LAMA3: variants seen among roughly 807,000 people sequenced by gnomAD.
LAMA3 encodes the protein laminin subunit alpha 3, also known as laminin subunit alpha-3.
LAMA3 carries 281 observed loss-of-function variants against 402.0 expected under a neutral mutation model. That is an observed-to-expected ratio of 0.70 (90% confidence interval 0.63 to 0.77). The LOEUF (loss-of-function observed/expected upper bound fraction) is 0.77, where lower values mean the gene tolerates loss of function less well. LAMA3 is among the 30% of genes least tolerant of loss of function. The pLI, the probability that LAMA3 is intolerant of heterozygous loss-of-function variation, is 0.00. For missense variants in LAMA3, 3,840 were observed against 4,215.5 expected (o/e 0.91, Z 2.47); for synonymous variants, 1,431 against 1,558.4 (o/e 0.92, Z 1.93).
intron 14 of LAMA3, among the ~76,000 whole-genome samples, chr18:23,813,550 TTTC>T (rs2063116295): frequency 6.9e-6 from 1 of 145,070 alleles, no homozygotes; most frequent in African/African-American, 2.6e-5. Flanking sequence ...TTTTCTTTTC[TTTC>T]TTTTTTTTTT....
chr18:23,887,991 G>A (rs535454890), intron 41 of LAMA3, among the ~76,000 whole-genome samples: 1 of 152,324 alleles, frequency 6.6e-6, no homozygotes, highest in Non-Finnish European at 1.5e-5. Context: ...AAGTAGAATC[G>A]AACTTCCTGA....
In LAMA3 at chr18:23,933,925, G is replaced by C; in HGVS notation, c.8852G>C (p.Arg2951Pro). ...STRFNKTKTF[R>P]INQLLQDTPV... ...AGGTTTAACAAGACCAAGACTTTTCGTATCAACCAGGTAAGTGTCCAAACC... is the reference window on the plus strand; with the variant it reads ...AGGTTTAACAAGACCAAGACTTTTCCTATCAACCAGGTAAGTGTCCAAACC... Residue 2951 changes from arginine to proline, a missense_variant, in exon 67 of 75, where the codon CGT (arginine) becomes CCT (proline). Around this residue, in one of 3 missense-constraint regions of LAMA3, gnomAD observed 840 missense variants for 981.9 expected, o/e 0.86. Transcript: ENST00000313654. 6.2e-7 allele frequency: 1 copy of C among 1,614,038 alleles called. No homozygotes were observed.
At chr18:23,801,758 T>C (rs1248230641) in intron 12 of LAMA3, among the ~76,000 whole-genome samples, 1 of 152,250 alleles carries the variant, frequency 6.6e-6, no homozygotes, top group Non-Finnish European at 1.5e-5. Context: ...TGATATCTCA[T>C]TGTGGGTTTG....
At chr18:23,727,428 C>T (rs2061319373) in intron 2 of LAMA3, among the ~76,000 whole-genome samples, 1 of 152,044 alleles carries the variant, frequency 6.6e-6, no homozygotes, top group Non-Finnish European at 1.5e-5. Context: ...TGGGTTCAAG[C>T]CATTTTCCTG....
At chr18:23,807,429 C>G (rs941579875) in intron 12 of LAMA3, among the ~76,000 whole-genome samples, 1 of 151,506 alleles carries the variant, frequency 6.6e-6, no homozygotes, top group South Asian at 2.1e-4. Context: ...TATCTAGTTA[C>G]CTATGTACAT....
At position 23,847,500 on chromosome 18, in the gene LAMA3, C is replaced by T. The variant is rs867017650; in HGVS notation, c.3968C>T (p.Thr1323Met). 72 of 1,613,522 alleles carry T rather than the reference C, an allele frequency of 4.5e-5. No homozygotes were observed. The highest frequency in any genetic ancestry group is 3.1e-4 in the East Asian group (14 of 44,892). ...SCGRRLCEEMTGQCRCPPRTV... is the reference protein window; with the variant it reads ...SCGRRLCEEMMGQCRCPPRTV... ...GGTCGGCGCCTTTGTGAAGAGATGA[C>T]GGGGCAGTGCCGCTGCCCTCCCCGC... The change falls in exon 32 of 75, where the codon ACG becomes ATG. Residue 1323 changes from threonine (T) to methionine (M), a missense_variant. Thr to Met is a moderately conservative substitution (Grantham distance 81). This residue lies in a region of LAMA3 where 2,109 missense variants were observed against 2,376.0 expected (regional missense o/e 0.89). Coordinates refer to ENST00000313654, the MANE Select transcript of LAMA3 (RefSeq NM_198129.4).
At chr18:23,929,167 T>C (rs1198851990) in intron 64 of LAMA3, among the ~76,000 whole-genome samples, 1 of 152,204 alleles carries the variant, frequency 6.6e-6, no homozygotes, top group African/African-American at 2.4e-5. Flanking sequence ...CTCTCCAGAT[T>C]GCCTTTTTGC....
chr18:23,914,965 C>A, intron 58 of LAMA3, 105 bp downstream of exon 58: 1 of 970,044 alleles, frequency 1.0e-6, no homozygotes, highest in Non-Finnish European at 1.6e-6. Context: ...TGGATTTAAC[C>A]GCACATTCTT....
At chr18:23,727,349 G>A (rs1598658467) in intron 2 of LAMA3, among the ~76,000 whole-genome samples, 1 of 152,102 alleles carries the variant, frequency 6.6e-6, no homozygotes. Flanking sequence ...TTTTTGAGAT[G>A]GAGTCTCACT....
intron 65 of LAMA3, chr18:23,931,708 A>C (rs986851831): frequency 4.5e-5 from 10 of 224,680 alleles, no homozygotes; most frequent in African/African-American, 2.1e-4. Flanking sequence ...CTTTATACAA[A>C]GTTCAAAAAC....
intron 6 of LAMA3, 45 bp downstream of exon 6, chr18:23,753,857 T>C: frequency 2.4e-6 from 3 of 1,253,200 alleles, no homozygotes; most frequent in Non-Finnish European, 3.5e-6. Context: ...TATGATTAAG[T>C]CTAATTATTT....
chr18:23,706,310 T>C (rs2060888020), intron 1 of LAMA3, among the ~76,000 whole-genome samples: 1 of 152,216 alleles, frequency 6.6e-6, no homozygotes, highest in Admixed American at 6.5e-5. Context: ...CCATCAAATT[T>C]GTGCAAGAGT....
At chr18:23,875,550 C>G (rs1170688551) in intron 38 of LAMA3, among the ~76,000 whole-genome samples, 1 of 152,082 alleles carries the variant, frequency 6.6e-6, no homozygotes, top group Non-Finnish European at 1.5e-5. Context: ...ATGCACGCTC[C>G]CCTCCCCTGG....
chr18:23,943,410 C>A (rs2082593396), intron 68 of LAMA3, among the ~76,000 whole-genome samples: 1 of 152,192 alleles, frequency 6.6e-6, no homozygotes, highest in Non-Finnish European at 1.5e-5. Context: ...GAACTATACA[C>A]TTAAAAAAGG....
chr18:23,730,461 G>A (rs576697289), intron 2 of LAMA3, among the ~76,000 whole-genome samples: 115 of 148,528 alleles, frequency 7.7e-4, no homozygotes, highest in African/African-American at 2.5e-3. Flanking sequence ...TCTGCCTCCC[G>A]GGCTCAAGCG....
At chr18:23,737,442 C>A (rs1392628270) in intron 2 of LAMA3, among the ~76,000 whole-genome samples, 1 of 152,158 alleles carries the variant, frequency 6.6e-6, no homozygotes, top group Non-Finnish European at 1.5e-5. Flanking sequence ...CCCTGCCCTG[C>A]GATGTCACTC....
intron 62 of LAMA3, 64 bp downstream of exon 62, chr18:23,921,649 A>G: frequency 1.3e-6 from 2 of 1,559,596 alleles, no homozygotes; most frequent in Non-Finnish European, 1.8e-6. Flanking sequence ...GTGACCAAAA[A>G]AAATCTGGTC....
Position 23,857,870 on chromosome 18 carries a change from AGT to A in LAMA3, c.4167_4168del (p.Cys1389Ter). On this transcript the variant is annotated frameshift_variant, in exon 33 of 75. Coordinates refer to ENST00000313654, the MANE Select transcript of LAMA3 (RefSeq NM_198129.4). LOFTEE classifies it high-confidence loss of function. Reference sequence around the variant, plus strand: ...TGCAAGCCCAGAATCACAGGGCGGCAGTGTGACCGATGTGCTTCCGGGTTTTA... The same window carrying A: ...TGCAAGCCCAGAATCACAGGGCGGCAGTGACCGATGTGCTTCCGGGTTTTA... 6.2e-7 allele frequency: 1 copy of A among 1,614,228 alleles called. No individual in the cohort carries two copies. The highest frequency in any genetic ancestry group is 8.5e-7 in the Non-Finnish European group (1 of 1,180,032).
chr18:23,921,569 A>C lies in LAMA3; in HGVS notation c.8161A>C (p.Ile2721Leu), dbSNP rs377376620. 9 of 1,614,024 alleles carry C rather than the reference A, an allele frequency of 5.6e-6. No individual in the cohort carries two copies. Among genetic ancestry groups the C allele is most frequent in the South Asian group, 1.1e-5 (1 of 91,080 alleles). Residue 2721 changes from isoleucine (I) to leucine (L), a missense_variant, in exon 62 of 75, where the codon ATT becomes CTT. Coordinates refer to ENST00000313654, the MANE Select transcript of LAMA3 (RefSeq NM_198129.4). ...FSTYYLGGIP[I>L]AIRERFNIST... ...CACATATTATCTGGGAGGAATTCCAATTGCAATCAGGGAAAGGTAAGATGA... is the reference window on the plus strand; with the variant it reads ...CACATATTATCTGGGAGGAATTCCACTTGCAATCAGGGAAAGGTAAGATGA...
Sources: gnomAD v4.1 joint callset for allele counts (sites outside exome capture counted in the v4.1 genomes callset) on GRCh38, gnomAD v4.1.1 for gene constraint, gnomAD v4.1.1 regional missense constraint, MANE v1.5 for transcripts, NCBI Gene and HGNC (gene_info 2026-07-23, HGNC 2026-07-21) for gene names.